The following IGSF10 variants were observed in gnomAD, a reference collection of about 807,000 sequenced individuals.
IGSF10 encodes the protein immunoglobulin superfamily member 10.
Under a neutral mutation model 128.2 loss-of-function variants are expected in IGSF10, and 126 were observed. The observed-to-expected ratio is 0.98, with a 90% CI of 0.85 to 1.14. The LOEUF (loss-of-function observed/expected upper bound fraction) is 1.14, where lower values mean the gene tolerates loss of function less well. Among genes scored for constraint, IGSF10 ranks in the 50% most tolerant of loss-of-function variants. IGSF10 has a pLI of 0.00. For missense variants in IGSF10, 3,295 were observed against 3,149.8 expected, an observed-to-expected ratio of 1.05 and a Z score of -1.10; for synonymous variants, 1,185 against 1,146.2, an observed-to-expected ratio of 1.03 and a Z score of -0.68.
the IGSF10 span, among the ~76,000 whole-genome samples, chr3:151,609,639 C>T: frequency 6.6e-6 from 1 of 152,110 alleles, no homozygotes; most frequent in Non-Finnish European, 1.5e-5. Context: ...TACATATACA[C>T]CATTAAATAC....
At chr3:151,463,838 G>T (rs868814748), upstream of IGSF10, among the ~76,000 whole-genome samples, 1 of 152,094 alleles carries the variant, frequency 6.6e-6, no homozygotes, top group Middle Eastern at 3.4e-3. Context: ...TACAAAAAAA[G>T]CCTTATATTT....
At chr3:151,607,912 G>GAAA in the IGSF10 span, among the ~76,000 whole-genome samples, 31 of 42,036 alleles carry the variant, frequency 7.4e-4, no homozygotes, top group East Asian at 2.4e-3. Flanking sequence ...CTCCATCTCG[G>GAAA]AAAAAAAAAA....
chr3:151,476,213 G>A, the IGSF10 span: 1 of 152,138 alleles, frequency 6.6e-6, no homozygotes, highest in Non-Finnish European at 1.5e-5. Context: ...AATATGTTTT[G>A]AAGGAAACTG....
chr3:151,539,447 A>AC, the IGSF10 span, among the ~76,000 whole-genome samples: 1 of 152,070 alleles, frequency 6.6e-6, no homozygotes, highest in African/African-American at 2.4e-5. Flanking sequence ...GCTTAGAAAA[A>AC]CCAGAGGAGT....
At position 151,447,384 on chromosome 3, in the gene IGSF10, T is replaced by C. The variant is rs1303218800; in HGVS notation, c.2597A>G (p.Lys866Arg). 6.2e-7 allele frequency: 1 copy of C among 1,614,202 alleles called. No homozygotes were observed. Among genetic ancestry groups the C allele is most frequent in the Admixed American group, 1.7e-5 (1 of 60,024 alleles). ...TATATTCTTTGACATGGCTGTAGTT[T>C]TAATAGCAGTAGACAGTTTGAAATC... ...PTDFKLSTAI[K>R]TTAMSKNINP... The change falls in exon 6 of 8, where the codon AAA becomes AGA. Residue 866 changes from lysine to arginine, a missense_variant. Coordinates refer to ENST00000282466, the MANE Select transcript of IGSF10 (RefSeq NM_178822.5).
the IGSF10 span, among the ~76,000 whole-genome samples, chr3:151,490,189 TAGA>T: frequency 2.0e-5 from 3 of 152,136 alleles, no homozygotes; most frequent in South Asian, 2.1e-4. Flanking sequence ...AGTGAAGGGA[TAGA>T]AGAAGATAGT....
At chr3:151,517,516 G>C in the IGSF10 span, among the ~76,000 whole-genome samples, 1 of 152,028 alleles carries the variant, frequency 6.6e-6, no homozygotes, top group African/African-American at 2.4e-5. Context: ...ATGTCAAATG[G>C]TCTCCCTTCA....
intron 7 of IGSF10, chr3:151,440,878 T>C: frequency 4.2e-6 from 1 of 237,528 alleles, no homozygotes; most frequent in Non-Finnish European, 8.9e-6. Flanking sequence ...TAGAATTACA[T>C]GGGTCGAGTT....
At chr3:151,573,502 T>C in the IGSF10 span, among the ~76,000 whole-genome samples, 3 of 152,244 alleles carry the variant, frequency 2.0e-5, no homozygotes, top group Non-Finnish European at 4.4e-5. Flanking sequence ...TTGTCTCTTT[T>C]GATCTTTGTT....
chr3:151,515,370 A>G, the IGSF10 span, among the ~76,000 whole-genome samples: 792 of 150,628 alleles, frequency 5.3e-3, 7 homozygotes, highest in African/African-American at 0.018. Flanking sequence ...TCGCAAGGAC[A>G]GAAAAACCAA....
the IGSF10 span, among the ~76,000 whole-genome samples, chr3:151,515,973 T>C: frequency 6.6e-6 from 1 of 152,080 alleles, no homozygotes; most frequent in Non-Finnish European, 1.5e-5. Flanking sequence ...GGGCTGACAC[T>C]ACATATTATG....
At chr3:151,559,781 C>T in the IGSF10 span, among the ~76,000 whole-genome samples, 2 of 152,000 alleles carry the variant, frequency 1.3e-5, no homozygotes, top group African/African-American at 2.4e-5. Flanking sequence ...CAGACTACTT[C>T]GAATAGGTTC....
At chr3:151,507,214 G>T in the IGSF10 span, among the ~76,000 whole-genome samples, 1 of 152,096 alleles carries the variant, frequency 6.6e-6, no homozygotes, top group African/African-American at 2.4e-5. Flanking sequence ...GGATCCTCCA[G>T]GTATAGTCTT....
the IGSF10 span, among the ~76,000 whole-genome samples, chr3:151,577,791 C>T: frequency 6.6e-6 from 1 of 151,958 alleles, no homozygotes; most frequent in Admixed American, 6.6e-5. Context: ...CAACAAACTA[C>T]CTGAAAACTA....
downstream of IGSF10, chr3:151,434,077 A>C (rs753371226): frequency 6.6e-6 from 1 of 152,502 alleles, no homozygotes; most frequent in Non-Finnish European, 1.5e-5. Flanking sequence ...GAATGTGAAA[A>C]TTGCAGGGCA....
the IGSF10 span, among the ~76,000 whole-genome samples, chr3:151,591,330 C>G: frequency 6.8e-6 from 1 of 147,638 alleles, no homozygotes; most frequent in Non-Finnish European, 1.5e-5. Context: ...TACAAATATT[C>G]TTTGTAAAAA....
chr3:151,458,615 C>T lies in IGSF10; in HGVS notation c.95G>A (p.Arg32His), dbSNP rs768330606. ...ATPGGKACPRRCACYMPTEVH... is the reference protein window; with the variant it reads ...ATPGGKACPRHCACYMPTEVH... ...CTCCGTAGGCATATAACAGGCACAG[C>T]GGCGAGGACAGGCCTTGCCCCCAGG... The change falls in exon 3 of 8, where the codon CGC becomes CAC. Residue 32 changes from arginine (R) to histidine (H), a missense_variant. Coordinates refer to ENST00000282466, the MANE Select transcript of IGSF10 (RefSeq NM_178822.5). The T allele has an allele frequency of 6.8e-6, 11 of 1,613,990 alleles. No homozygotes were observed. Among genetic ancestry groups the T allele is most frequent in the African/African-American group, 4.0e-5 (3 of 74,918 alleles).
chr3:151,533,777 T>A, the IGSF10 span, among the ~76,000 whole-genome samples: 2 of 152,110 alleles, frequency 1.3e-5, no homozygotes, highest in Non-Finnish European at 2.9e-5. Context: ...CCAAAAGCAA[T>A]GGCAACAAAA....
chr3:151,597,870 T>C, the IGSF10 span, among the ~76,000 whole-genome samples: 9 of 151,180 alleles, frequency 6.0e-5, no homozygotes, highest in African/African-American at 2.2e-4. Context: ...TGAGCCGAGG[T>C]CGCACCACTG....
Sources: allele counts gnomAD v4.1 joint callset (sites outside exome capture counted in the v4.1 genomes callset), GRCh38; gene constraint gnomAD v4.1.1; transcripts MANE v1.5; gene names NCBI Gene and HGNC (gene_info 2026-07-23, HGNC 2026-07-21).